PPP1R14C: variants seen among roughly 807,000 people sequenced by gnomAD.
PPP1R14C encodes protein phosphatase 1 regulatory inhibitor subunit 14C.
A neutral mutation model predicts 20.4 loss-of-function variants in PPP1R14C; 16 were observed. The ratio of observed to expected loss-of-function variants is 0.78; its 90% confidence interval spans 0.53 to 1.19. The LOEUF (loss-of-function observed/expected upper bound fraction) is 1.19, where lower values mean the gene tolerates loss of function less well. PPP1R14C is among the 50% of genes most tolerant of loss of function. PPP1R14C has a pLI of 0.00. For synonymous variants in PPP1R14C, 91 were observed against 91.0 expected (o/e 1.00, Z 0.00); for missense variants, 211 against 220.1 (o/e 0.96, Z 0.26).
intron 1 of PPP1R14C, among the ~76,000 whole-genome samples, chr6:150,149,855 T>G (rs1323428992): frequency 2.0e-5 from 3 of 152,202 alleles, no homozygotes; most frequent in African/African-American, 7.2e-5. Context: ...GGGGTGTTGG[T>G]GTATGTTTGA....
At chr6:150,187,090 G>C (rs9371344) in intron 1 of PPP1R14C, among the ~76,000 whole-genome samples, 93,779 of 151,704 alleles carry the variant, frequency 0.62, 30,287 homozygotes, top group African/African-American at 0.82. Flanking sequence ...ATTCTCCTGC[G>C]TCAGCCTCCT....
chr6:150,147,894 T>A (rs1439972236), intron 1 of PPP1R14C, among the ~76,000 whole-genome samples: 1 of 152,208 alleles, frequency 6.6e-6, no homozygotes, highest in Non-Finnish European at 1.5e-5. Flanking sequence ...AGAAATACCC[T>A]GTTGATTGCT....
intron 3 of PPP1R14C, among the ~76,000 whole-genome samples, chr6:150,245,797 C>T (rs2114935591): frequency 1.3e-5 from 2 of 152,290 alleles, no homozygotes; most frequent in Middle Eastern, 6.8e-3. Flanking sequence ...CTGTAATCAA[C>T]AAAATCCTTC....
chr6:150,175,941 C>A (rs1777557098), intron 1 of PPP1R14C, among the ~76,000 whole-genome samples: 1 of 152,228 alleles, frequency 6.6e-6, no homozygotes, highest in African/African-American at 2.4e-5. Flanking sequence ...ATATCTTGTA[C>A]TTCTCTCCCT....
intron 1 of PPP1R14C, among the ~76,000 whole-genome samples, chr6:150,154,544 A>C (rs952913242): frequency 6.6e-6 from 1 of 152,256 alleles, no homozygotes; most frequent in African/African-American, 2.4e-5. Context: ...TGCTAAAGCC[A>C]GGGCTGCACT....
intron 1 of PPP1R14C, among the ~76,000 whole-genome samples, chr6:150,160,596 T>C (rs1777356287): frequency 6.6e-6 from 1 of 152,010 alleles, no homozygotes; most frequent in African/African-American, 2.4e-5. Context: ...TAATGGGAAG[T>C]TATGTTCTGC....
chr6:150,150,102 A>C (rs1041912014), intron 1 of PPP1R14C, among the ~76,000 whole-genome samples: 2 of 152,262 alleles, frequency 1.3e-5, no homozygotes, highest in African/African-American at 4.8e-5. Flanking sequence ...AATGTTTAAA[A>C]GTCATTGATG....
chr6:150,158,805 T>C (rs764039766), intron 1 of PPP1R14C, among the ~76,000 whole-genome samples: 3 of 152,344 alleles, frequency 2.0e-5, no homozygotes, highest in East Asian at 1.9e-4. Flanking sequence ...TTGGAATAGC[T>C]CAATTGGTGT....
chr6:150,191,077 TCA>T (rs1777736229), intron 1 of PPP1R14C, among the ~76,000 whole-genome samples: 1 of 152,166 alleles, frequency 6.6e-6, no homozygotes, highest in South Asian at 2.1e-4. Flanking sequence ...TCCTTGGTCC[TCA>T]CATGTTTTCT....
chr6:150,161,577 C>G (rs906496055), intron 1 of PPP1R14C, among the ~76,000 whole-genome samples: 1 of 152,248 alleles, frequency 6.6e-6, no homozygotes, highest in African/African-American at 2.4e-5. Context: ...AGAGACAAAC[C>G]TGTGGTTCCC....
At chr6:150,149,451 T>TTTTC (rs1312463713) in intron 1 of PPP1R14C, among the ~76,000 whole-genome samples, 1 of 48,708 alleles carries the variant, frequency 2.1e-5, no homozygotes, top group Admixed American at 1.8e-4. Context: ...TAATTTTTTT[T>TTTTC]TTTCTTTTTT....
chr6:150,222,037 A>G lies in PPP1R14C; in HGVS notation c.423+5181A>G, dbSNP rs59196738. ...TAGTCTCAAACTCCCGAGCTCCAGC[A>G]GTCCACCTGCCTGGGCCTCCCAAAG... On this transcript the variant is annotated intron_variant, in intron 3 of 3. Transcript: ENST00000361131. Among the ~76,000 whole-genome samples the G allele has an allele frequency of 7.2e-3, 1,091 of 151,388 alleles. 9 individuals carry two copies. The highest frequency in any genetic ancestry group is 0.026 in the African/African-American group (1,054 of 40,862).
chr6:150,178,080 C>T (rs976898265), intron 1 of PPP1R14C, among the ~76,000 whole-genome samples: 3 of 152,200 alleles, frequency 2.0e-5, no homozygotes, highest in Non-Finnish European at 4.4e-5. Flanking sequence ...CTCCTGGAGC[C>T]GCGGCTGGCC....
At chr6:150,193,844 C>T (rs901815508) in intron 1 of PPP1R14C, among the ~76,000 whole-genome samples, 1 of 152,176 alleles carries the variant, frequency 6.6e-6, no homozygotes, top group South Asian at 2.1e-4. Context: ...CCATCCACTT[C>T]TTCAGCAGGC....
intron 3 of PPP1R14C, among the ~76,000 whole-genome samples, chr6:150,219,043 C>A (rs1330664317): frequency 6.6e-6 from 1 of 152,004 alleles, no homozygotes; most frequent in Middle Eastern, 3.4e-3. Flanking sequence ...TCTCTCCACA[C>A]AATTCCTTTT....
chr6:150,170,472 C>T (rs564342278), intron 1 of PPP1R14C, among the ~76,000 whole-genome samples: 6 of 152,214 alleles, frequency 3.9e-5, no homozygotes, highest in Non-Finnish European at 5.9e-5. Flanking sequence ...CAGGCGACTG[C>T]CACCATGCCT....
At chr6:150,235,855 A>G (rs1778353478) in intron 3 of PPP1R14C, among the ~76,000 whole-genome samples, 1 of 152,188 alleles carries the variant, frequency 6.6e-6, no homozygotes, top group Admixed American at 6.5e-5. Context: ...GGTTCGTCGT[A>G]CTCAGGGGAG....
chr6:150,195,986 G>A (rs943124740), intron 1 of PPP1R14C: 109 of 985,264 alleles, frequency 1.1e-4, no homozygotes, highest in Non-Finnish European at 1.3e-4. Context: ...CAGCTTGGTC[G>A]CTGTCTGGGC....
intron 1 of PPP1R14C, among the ~76,000 whole-genome samples, chr6:150,210,141 T>A (rs1778004401): frequency 6.6e-6 from 1 of 152,040 alleles, no homozygotes; most frequent in Non-Finnish European, 1.5e-5. Context: ...CAGCGCCAGG[T>A]TCTGCAGCGC....
Sources: gnomAD v4.1 joint callset for allele counts (sites outside exome capture counted in the v4.1 genomes callset) on GRCh38, gnomAD v4.1.1 for gene constraint, MANE v1.5 for transcripts, NCBI Gene and HGNC (gene_info 2026-07-23, HGNC 2026-07-21) for gene names.